Variants in PRDM15 observed in about 807,000 individuals in gnomAD.
PRDM15 encodes PR domain zinc finger protein 15.
PRDM15 carries 64 observed loss-of-function variants against 128.6 expected under a neutral mutation model. The ratio of observed to expected loss-of-function variants is 0.50; its 90% confidence interval spans 0.41 to 0.61. The LOEUF (loss-of-function observed/expected upper bound fraction) is 0.61. Among genes scored for constraint, PRDM15 ranks in the 20% least tolerant of loss-of-function variants. The pLI, the probability that PRDM15 is intolerant of heterozygous loss-of-function variation, is 0.00. For missense variants in PRDM15, 1,242 were observed against 1,569.1 expected, an observed-to-expected ratio of 0.79 and a Z score of 3.52; for synonymous variants, 615 against 621.8, an observed-to-expected ratio of 0.99 and a Z score of 0.16.
intron 21 of PRDM15, among the ~76,000 whole-genome samples, chr21:41,809,613 T>C (rs573011642): frequency 3.3e-5 from 5 of 152,230 alleles, no homozygotes; most frequent in Non-Finnish European, 7.3e-5. Flanking sequence ...CTTTTGCTGC[T>C]TTTACGCTTA....
At chr21:41,812,240 T>G (rs1003886060) in intron 19 of PRDM15, 1 of 152,242 alleles carries the variant, frequency 6.6e-6, no homozygotes, top group Non-Finnish European at 1.5e-5. Context: ...TAAGGACACT[T>G]TTGATTGACA....
rs1413291590 is a variant in PRDM15, at chr21:41,815,781, CT to C, written c.2315del (p.Lys772ArgfsTer69). On this transcript the variant is annotated frameshift_variant, in exon 19 of 24. Transcript: ENST00000398548. LOFTEE classifies it high-confidence loss of function. ...RHHMKLHKGI[K>X]EYECKECHRR... ...GGTGGCACTCCTTGCACTCGTACTC[CT>C]TGATGCCCTTGTGCAGCTTCATGTG... The C allele has an allele frequency of 6.2e-7, 1 of 1,614,128 alleles. No homozygotes were observed. Among genetic ancestry groups the C allele is most frequent in the South Asian group, 1.1e-5 (1 of 91,088 alleles).
Position 41,810,310 on chromosome 21 carries a change from G to C in PRDM15, c.2496C>G (p.Cys832Trp). ...TCACGTACTTCTTGTCGCACACGGA[G>C]CACGTCCACTGCTTGCCCACTTTTC... ...LIHTVGKQWT[C>W]SVCDKKYVTE... The change falls in exon 21 of 24, where the codon TGC becomes TGG. Residue 832 changes from cysteine (C) to tryptophan (W), a missense_variant. By Grantham distance (215) the Cys-to-Trp change is radical. This residue lies in a region of PRDM15 where 602 missense variants were observed against 788.3 expected (regional missense o/e 0.76). Coordinates refer to ENST00000398548, the MANE Select transcript of PRDM15 (RefSeq NM_001040424.3). The surrounding 1 kb of genome is among the most constrained non-coding windows in gnomAD (Gnocchi z 6.4). 1 of 1,613,194 alleles carries C rather than the reference G, an allele frequency of 6.2e-7. No homozygotes were observed. The highest frequency in any genetic ancestry group is 8.5e-7 in the Non-Finnish European group (1 of 1,179,784).
intron 1 of PRDM15, among the ~76,000 whole-genome samples, chr21:41,866,773 TC>T (rs945107969): frequency 3.5e-4 from 53 of 151,676 alleles, no homozygotes; most frequent in African/African-American, 1.2e-3. Context: ...GCACAACGCT[TC>T]CCCCCTTCCA....
At chr21:41,875,322 C>T (rs2064373545) in intron 1 of PRDM15, among the ~76,000 whole-genome samples, 1 of 152,288 alleles carries the variant, frequency 6.6e-6, no homozygotes, top group African/African-American at 2.4e-5. Flanking sequence ...CGGCCCCTCG[C>T]CCTGCCAGGC....
In PRDM15 at chr21:41,810,045, G is replaced by T; in HGVS notation, c.2652+109C>A. 1 of 1,113,572 alleles carries T rather than the reference G, an allele frequency of 9.0e-7. No homozygotes were observed. The highest frequency in any genetic ancestry group is 1.3e-6 in the Non-Finnish European group (1 of 784,118). The allele number at this position is 1,113,572 out of a possible 1,614,324, so 69.0% of individuals were successfully genotyped here. A position where few individuals can be genotyped will look rare whatever the true frequency, so the allele number is the denominator to read the frequency against. ...CAGACGCACCTAAGACTCAGGGCCTGCCTCCAGTACTGGGGGTCTGCAGAG... is the reference window on the plus strand; with the variant it reads ...CAGACGCACCTAAGACTCAGGGCCTTCCTCCAGTACTGGGGGTCTGCAGAG... On this transcript the variant is annotated intron_variant, in intron 21 of 23. Coordinates refer to ENST00000398548, the MANE Select transcript of PRDM15 (RefSeq NM_001040424.3). This position sits in a 1 kb window ranked among gnomAD's most constrained non-coding sequence, Gnocchi z 6.4.
At chr21:41,846,077 AG>A (rs1018863783) in intron 6 of PRDM15, among the ~76,000 whole-genome samples, 27 of 152,322 alleles carry the variant, frequency 1.8e-4, no homozygotes, top group Admixed American at 7.8e-4. Flanking sequence ...AGGATGTCTC[AG>A]GAACGTGTGA....
chr21:41,873,624 G>A (rs560257893), intron 1 of PRDM15, among the ~76,000 whole-genome samples: 25 of 152,272 alleles, frequency 1.6e-4, no homozygotes, highest in African/African-American at 5.3e-4. Flanking sequence ...TTCTTGTACT[G>A]TTTATGATTT....
intron 1 of PRDM15, among the ~76,000 whole-genome samples, chr21:41,867,733 C>G (rs4920070): frequency 0.076 from 11,613 of 152,228 alleles, 488 homozygotes; most frequent in Middle Eastern, 0.14. Context: ...TGGAGAAAAT[C>G]TTCTCCATCT....
intron 21 of PRDM15, among the ~76,000 whole-genome samples, chr21:41,808,520 G>A (rs1291951878): frequency 1.3e-5 from 2 of 152,226 alleles, no homozygotes; most frequent in Non-Finnish European, 2.9e-5. Flanking sequence ...GGCAGACGGT[G>A]CTTTCCCAAT....
intron 1 of PRDM15, among the ~76,000 whole-genome samples, chr21:41,873,784 C>A (rs749907109): frequency 6.6e-6 from 1 of 152,174 alleles, no homozygotes; most frequent in Non-Finnish European, 1.5e-5. Flanking sequence ...GTGGCTTATA[C>A]CTGTCATCCC....
At chr21:41,843,689 A>T (rs1419690490) in intron 6 of PRDM15, among the ~76,000 whole-genome samples, 1 of 152,218 alleles carries the variant, frequency 6.6e-6, no homozygotes, top group Non-Finnish European at 1.5e-5. Flanking sequence ...AGACAGCACA[A>T]GTTTGGCCCT....
chr21:41,878,784 G>A (rs777385508), intron 1 of PRDM15: 3 of 1,420,310 alleles, frequency 2.1e-6, no homozygotes, highest in Non-Finnish European at 2.8e-6. Flanking sequence ...GGGGGATAAC[G>A]ACATCCCCTG....
intron 7 of PRDM15, among the ~76,000 whole-genome samples, chr21:41,838,651 G>T (rs1471757981): frequency 2.0e-5 from 3 of 152,174 alleles, no homozygotes; most frequent in African/African-American, 7.2e-5. Flanking sequence ...ATATCTACCT[G>T]ACACGCTTTC....
intron 21 of PRDM15, among the ~76,000 whole-genome samples, chr21:41,809,040 C>A (rs190004272): frequency 1.8e-4 from 28 of 152,204 alleles, no homozygotes; most frequent in Non-Finnish European, 3.2e-4. Flanking sequence ...CCGCCGCTAC[C>A]GTTTGCTTTT....
intron 3 of PRDM15, among the ~76,000 whole-genome samples, 165 bp from the exon 4 acceptor site, chr21:41,857,494 G>A (rs1386203824): frequency 2.6e-5 from 4 of 152,172 alleles, no homozygotes; most frequent in South Asian, 2.1e-4. Flanking sequence ...GGTGGCTCAC[G>A]CCTGTAATCC....
intron 4 of PRDM15, among the ~76,000 whole-genome samples, chr21:41,855,763 C>T (rs1048661776): frequency 2.0e-5 from 3 of 152,230 alleles, no homozygotes; most frequent in Non-Finnish European, 2.9e-5. Flanking sequence ...CGCCCCCAAC[C>T]GTGCACCCAC....
intron 5 of PRDM15, among the ~76,000 whole-genome samples, chr21:41,849,132 A>G (rs2063351566): frequency 6.6e-6 from 1 of 152,238 alleles, no homozygotes. Context: ...ACAAAAAAGG[A>G]ACAGCAAAGC....
intron 10 of PRDM15, 110 bp downstream of exon 10, chr21:41,835,993 GCCCCCGCCCA>G (rs2062874319): frequency 4.3e-6 from 1 of 233,204 alleles, no homozygotes; most frequent in Non-Finnish European, 8.9e-6. Context: ...CTCCCCCACA[GCCCCCGCCCA>G]CTCTCCTCCC....
Sources: allele counts gnomAD v4.1 joint callset (sites outside exome capture counted in the v4.1 genomes callset), GRCh38; gene constraint gnomAD v4.1.1; regional missense constraint gnomAD v4.1.1; non-coding constraint Gnocchi (gnomAD v3.1); transcripts MANE v1.5; gene names NCBI Gene and HGNC (gene_info 2026-07-23, HGNC 2026-07-21).